Variants in CTDSPL2 observed in about 807,000 individuals in gnomAD.
CTDSPL2 encodes the protein CTD small phosphatase-like protein 2.
A neutral mutation model predicts 60.0 loss-of-function variants in CTDSPL2; 5 were observed. The ratio of observed to expected loss-of-function variants is 0.08; its 90% confidence interval spans 0.04 to 0.18. CTDSPL2 has a LOEUF of 0.18. Among genes scored for constraint, CTDSPL2 ranks in the 10% least tolerant of loss-of-function variants. The pLI, the probability that CTDSPL2 is intolerant of heterozygous loss-of-function variation, is 1.00. For missense variants in CTDSPL2, 370 were observed against 548.8 expected (o/e 0.67, Z 3.26); for synonymous variants, 186 against 189.3 (o/e 0.98, Z 0.14).
chr15:44,472,875 G>A (rs1390703487), intron 2 of CTDSPL2, among the ~76,000 whole-genome samples: 2 of 152,216 alleles, frequency 1.3e-5, no homozygotes, highest in Non-Finnish European at 2.9e-5. Flanking sequence ...GGCCCAGGCC[G>A]GTTTTGAATT....
chr15:44,527,608 T>C lies in CTDSPL2; in HGVS notation c.*3434T>C, dbSNP rs558687841. The C allele has an allele frequency of 6.6e-6, 1 of 152,346 alleles. No individual in the cohort carries two copies. The highest frequency in any genetic ancestry group is 6.5e-5 in the Admixed American group (1 of 15,304). 9.4% of individuals were successfully genotyped at this position (152,346 alleles called of 1,614,324 possible). A position where few individuals can be genotyped will look rare whatever the true frequency, so the allele number is the denominator to read the frequency against. ...TATGATGGTGTTATATACTACATCA[T>C]TAGCTAGTTAAGGTTTTCTGACCTG... On this transcript the variant is annotated 3_prime_UTR_variant, in exon 13 of 13. Transcript: ENST00000260327.
chr15:44,431,654 G>A (rs1271102548), intron 1 of CTDSPL2, among the ~76,000 whole-genome samples: 1 of 151,792 alleles, frequency 6.6e-6, no homozygotes, highest in Non-Finnish European at 1.5e-5. Context: ...CACACAGGTT[G>A]AGGGTTCAGA....
chr15:44,456,288 A>G (rs893985893), intron 1 of CTDSPL2, among the ~76,000 whole-genome samples: 2 of 151,948 alleles, frequency 1.3e-5, no homozygotes, highest in Non-Finnish European at 2.9e-5. Context: ...CTCTTTTTCT[A>G]TTGATTGTAA....
intron 1 of CTDSPL2, among the ~76,000 whole-genome samples, chr15:44,440,730 T>C (rs2080068554): frequency 6.6e-6 from 1 of 152,154 alleles, no homozygotes; most frequent in Non-Finnish European, 1.5e-5. Context: ...ATTTATTCCT[T>C]TTTTGTGTGT....
chr15:44,463,776 ATGCT>A (rs2080625638), intron 2 of CTDSPL2, among the ~76,000 whole-genome samples: 1 of 152,162 alleles, frequency 6.6e-6, no homozygotes, highest in Non-Finnish European at 1.5e-5. Flanking sequence ...TGTCTAGACA[ATGCT>A]TGCTTACGTA....
At chr15:44,509,777 T>G (rs888336200) in intron 8 of CTDSPL2, among the ~76,000 whole-genome samples, 11 of 151,696 alleles carry the variant, frequency 7.3e-5, no homozygotes, top group African/African-American at 1.9e-4. Context: ...AATACAAAAA[T>G]TAGCCGGTTG....
rs1295460120 is a variant in CTDSPL2 at position 44,524,101 on chromosome 15, C to G, written c.1336-8C>G. On this transcript the variant is annotated splice_region_variant and splice_polypyrimidine_tract_variant and intron_variant, in intron 12 of 12. Coordinates refer to ENST00000260327, the MANE Select transcript of CTDSPL2 (RefSeq NM_016396.3). ...TGCCTTTTTAAAAATTGTCTTTTTTCCACGCAGAATGAAGATGTTCGACCA... is the reference window on the plus strand; with the variant it reads ...TGCCTTTTTAAAAATTGTCTTTTTTGCACGCAGAATGAAGATGTTCGACCA... 1.2e-6 allele frequency: 2 copies of G among 1,612,546 alleles called. No individual in the cohort carries two copies. The highest frequency in any genetic ancestry group is 4.5e-5 in the East Asian group (2 of 44,860).
chr15:44,490,726 A>T, intron 4 of CTDSPL2, 58 bp from the exon 5 acceptor site: 1 of 1,277,404 alleles, frequency 7.8e-7, no homozygotes, highest in Non-Finnish European at 1.1e-6. Context: ...TGCTGCATTT[A>T]GTTTTTCTAA....
Position 44,431,943 on chromosome 15 carries a change from C to T in CTDSPL2, c.-25+4171C>T, listed in dbSNP as rs145743081. Among the ~76,000 whole-genome samples, 364 of 151,542 alleles carry T rather than the reference C, an allele frequency of 2.4e-3. 1 individual carries two copies. The highest frequency in any genetic ancestry group is 8.2e-3 in the African/African-American group (340 of 41,308). ...TTCACCATGTTGGTCAGGCTGGTCA[C>T]GAGCTCCTGACCTGAAGTGATCCAC... On this transcript the variant is annotated intron_variant, in intron 1 of 12. Coordinates refer to ENST00000260327, the MANE Select transcript of CTDSPL2 (RefSeq NM_016396.3).
chr15:44,499,738 A>G lies in CTDSPL2; in HGVS notation c.894A>G (p.Leu298=). Residue 298 remains leucine, a synonymous_variant, in exon 8 of 13, where the codon CTA becomes CTG. Transcript: ENST00000260327. ...TTTTTTATTTTAAGGATGAAACACT[A>G]GTGCATTGTAGTCTAAATGAGCTAG... The part of the protein sequence containing the change: ...FSLVLDLDET[L]VHCSLNELED... 6.3e-7 allele frequency: 1 copy of G among 1,584,304 alleles called. No homozygotes were observed. Among genetic ancestry groups the G allele is most frequent in the Non-Finnish European group, 8.6e-7 (1 of 1,156,900 alleles).
chr15:44,461,927 T>G (rs992589826), intron 2 of CTDSPL2, among the ~76,000 whole-genome samples: 13 of 152,094 alleles, frequency 8.5e-5, no homozygotes, highest in African/African-American at 3.1e-4. Context: ...AAACCCAGGT[T>G]GTTCAAGGAT....
rs1356805217 is a variant in CTDSPL2, at chr15:44,528,700, A to G, written c.*4526A>G. The G allele has an allele frequency of 6.6e-6, 1 of 152,128 alleles. No homozygotes were observed. Among genetic ancestry groups the G allele is most frequent in the Non-Finnish European group, 1.5e-5 (1 of 68,020 alleles). 9.4% of individuals were successfully genotyped at this position (152,128 alleles called of 1,614,324 possible). On this transcript the variant is annotated 3_prime_UTR_variant, in exon 13 of 13. Coordinates refer to ENST00000260327, the MANE Select transcript of CTDSPL2 (RefSeq NM_016396.3). ...GGACATGTCCCTGAATGAGACCATTATATATATTATCTGTAAAATATTTCA... is the reference window on the plus strand; with the variant it reads ...GGACATGTCCCTGAATGAGACCATTGTATATATTATCTGTAAAATATTTCA...
chr15:44,494,776 C>T (rs576756927), intron 5 of CTDSPL2, among the ~76,000 whole-genome samples: 1 of 151,566 alleles, frequency 6.6e-6, no homozygotes, highest in South Asian at 2.1e-4. Context: ...ATTAGCCGGG[C>T]GTGGTAGCAG....
At chr15:44,500,296 T>C (rs2081364944) in intron 8 of CTDSPL2, among the ~76,000 whole-genome samples, 1 of 152,356 alleles carries the variant, frequency 6.6e-6, no homozygotes, top group East Asian at 1.9e-4. Context: ...CTTCTAGTTA[T>C]TGTTTTACTT....
chr15:44,463,629 G>C (rs530609284), intron 2 of CTDSPL2, among the ~76,000 whole-genome samples: 1 of 152,126 alleles, frequency 6.6e-6, no homozygotes, highest in Non-Finnish European at 1.5e-5. Context: ...AACTAATCCT[G>C]TGTTAGGAGT....
At position 44,459,109 on chromosome 15, in the gene CTDSPL2, A is replaced by G. The variant is rs201272461; in HGVS notation, c.95A>G (p.Asp32Gly). The G allele has an allele frequency of 8.1e-6, 13 of 1,613,334 alleles. No homozygotes were observed. The African/African-American group carries it at 1.6e-4, about 20-fold the overall frequency. ...RAKRKYSEVD[D>G]SLPSGGEKPS... Reference sequence around the variant, plus strand: ...AAGAGGAAATATTCAGAGGTTGATGATAGCCTGCCTTCAGGAGGAGAAAAA... The same window carrying G: ...AAGAGGAAATATTCAGAGGTTGATGGTAGCCTGCCTTCAGGAGGAGAAAAA... The change falls in exon 2 of 13, where the codon GAT (aspartate) becomes GGT (glycine). Residue 32 changes from aspartate (D) to glycine (G), a missense_variant. Asp to Gly is a moderately conservative substitution (Grantham distance 94). Transcript: ENST00000260327.
At chr15:44,499,099 T>C (rs2081347578) in intron 7 of CTDSPL2, among the ~76,000 whole-genome samples, 1 of 151,934 alleles carries the variant, frequency 6.6e-6, no homozygotes, top group Non-Finnish European at 1.5e-5. Context: ...TGTGTCAGAA[T>C]CCGAAGGGCT....
chr15:44,493,484 A>C (rs1290914946), intron 5 of CTDSPL2, among the ~76,000 whole-genome samples: 1 of 152,220 alleles, frequency 6.6e-6, no homozygotes. Flanking sequence ...CAAAATACTT[A>C]GCATATAAGC....
intron 1 of CTDSPL2, among the ~76,000 whole-genome samples, chr15:44,446,591 C>T (rs1016254772): frequency 6.6e-6 from 1 of 151,912 alleles, no homozygotes; most frequent in East Asian, 2.0e-4. Flanking sequence ...GATAGAACCA[C>T]TGCACTCCAG....
Sources: gnomAD v4.1 joint callset for allele counts (sites outside exome capture counted in the v4.1 genomes callset) on GRCh38, gnomAD v4.1.1 for gene constraint, MANE v1.5 for transcripts, NCBI Gene and HGNC (gene_info 2026-07-23, HGNC 2026-07-21) for gene names.